HUWE1: variants seen among roughly 807,000 people sequenced by gnomAD.
The protein encoded by HUWE1 is HECT, UBA and WWE domain containing E3 ubiquitin protein ligase 1.
In HUWE1, 18 loss-of-function variants were observed where a neutral mutation model predicts 299.4. The observed-to-expected ratio is 0.06, with a 90% confidence interval of 0.04 to 0.09. HUWE1 has a LOEUF of 0.09. Among genes scored for constraint, HUWE1 ranks in the 10% least tolerant of loss-of-function variants. The probability of loss-of-function intolerance (pLI) is 1.00; values close to 1 mark genes in which losing one functional copy is unlikely to be tolerated. For synonymous variants in HUWE1, 1,317 were observed against 1,286.1 expected (o/e 1.02, Z -0.51); for missense variants, 1,832 against 3,462.3 (o/e 0.53, Z 11.82).
intron 55 of HUWE1, 36 bp downstream of exon 55, chrX:53,561,720 A>C (rs370092900): frequency 1.2e-5 from 15 of 1,207,957 alleles, no homozygotes; most frequent in Non-Finnish European, 1.7e-5. Flanking sequence ...TATAAGAATC[A>C]AGAGAGAAAA....
rs1557015356 is a variant in HUWE1 at position 53,624,596 on chromosome X, T to A, written c.1671A>T (p.Leu557=). 1.7e-6 allele frequency: 2 copies of A among 1,187,059 alleles called. No individual in the cohort carries two copies. The highest frequency in any genetic ancestry group is 4.3e-5 in the Admixed American group (2 of 46,070). Residue 557 remains leucine (L), a splice_region_variant and synonymous_variant, in exon 19 of 84, where the codon CTA becomes CTT. Transcript: ENST00000262854. Reference sequence around the variant, plus strand: ...TAACCAACTATCAACTCCACTTACCTAGGAGGAAGAGTGATGGGCCATAGT... The same window carrying A: ...TAACCAACTATCAACTCCACTTACCAAGGAGGAAGAGTGATGGGCCATAGT... ...AEYYGPSLFL[L]ATEVVTVFVF...
intron 26 of HUWE1, 54 bp downstream of exon 26, chrX:53,604,535 C>T (rs1422420395): frequency 1.7e-6 from 2 of 1,174,882 alleles, no homozygotes; most frequent in Non-Finnish European, 2.3e-6. Context: ...GGTGTATGCC[C>T]TAGATATTTC....
At chrX:53,645,731 AAAAAAATATATATAT>A (rs2067947287) in intron 6 of HUWE1, among the ~76,000 whole-genome samples, 1 of 16,396 alleles carries the variant, frequency 6.1e-5, no homozygotes, top group Non-Finnish European at 1.2e-4. Context: ...AAAAAAAAAA[AAAAAAATATATATAT>A]ATATATATAT....
chrX:53,537,746 ATTTG>A (rs2061128388), intron 77 of HUWE1, 50 bp from the exon 78 acceptor site: 3 of 1,156,881 alleles, frequency 2.6e-6, no homozygotes, highest in South Asian at 1.9e-5. Flanking sequence ...GGCAGAACAA[ATTTG>A]TTTGTGTGAT....
chrX:53,571,090 C>G (rs1350723428), intron 47 of HUWE1, among the ~76,000 whole-genome samples: 2 of 112,017 alleles, frequency 1.8e-5, no homozygotes, highest in African/African-American at 6.5e-5. Flanking sequence ...AGTTACTTAC[C>G]TCTTTGAGCC....
At chrX:53,602,536 G>A (rs1390082987) in intron 28 of HUWE1, 28 bp downstream of exon 28, 23 of 865,307 alleles carry the variant, frequency 2.7e-5, no homozygotes, top group African/African-American at 4.0e-5. Flanking sequence ...TAGAAGTAAT[G>A]ACTAACATTT....
At chrX:53,550,635 G>A (rs372876519) in intron 66 of HUWE1, 31 bp downstream of exon 66, 64 of 1,144,890 alleles carry the variant, frequency 5.6e-5, no homozygotes, top group Non-Finnish European at 5.9e-5. Flanking sequence ...CTTGAGTGGT[G>A]ATATGGTAAG....
intron 9 of HUWE1, chrX:53,632,078 T>A (rs1557023213): frequency 2.9e-6 from 1 of 343,642 alleles, no homozygotes; most frequent in African/African-American, 2.6e-5. Flanking sequence ...AACTCTTTAG[T>A]ACCTCCTCAA....
At chrX:53,605,860 C>A (rs1302640326) in intron 25 of HUWE1, among the ~76,000 whole-genome samples, 2 of 111,734 alleles carry the variant, frequency 1.8e-5, no homozygotes, top group Non-Finnish European at 3.8e-5. Context: ...AGAATTAAAT[C>A]TTCACATATA....
intron 3 of HUWE1, among the ~76,000 whole-genome samples, chrX:53,663,191 G>T (rs2149448038): frequency 8.9e-6 from 1 of 112,183 alleles, no homozygotes; most frequent in African/African-American, 3.2e-5. Flanking sequence ...AAGTGAGAAA[G>T]CATAAATGGT....
At chrX:53,539,933 T>A in intron 74 of HUWE1, 121 bp from the exon 75 acceptor site, 1 of 632,766 alleles carries the variant, frequency 1.6e-6, no homozygotes, top group Non-Finnish European at 2.4e-6. Flanking sequence ...GGCCACTGAG[T>A]GGTACTCACC....
intron 3 of HUWE1, among the ~76,000 whole-genome samples, chrX:53,677,389 A>T (rs782716920): frequency 1.2e-4 from 13 of 110,549 alleles, no homozygotes; most frequent in African/African-American, 4.3e-4. Context: ...AGGCAGTATT[A>T]TCATCATTTT....
chrX:53,651,145 C>T (rs1313959561), intron 4 of HUWE1, among the ~76,000 whole-genome samples: 1 of 109,537 alleles, frequency 9.1e-6, no homozygotes, highest in Non-Finnish European at 1.9e-5. Flanking sequence ...CCCCCTCCCC[C>T]ACCCCACCTG....
At chrX:53,537,823 C>G in intron 77 of HUWE1, 127 bp from the exon 78 acceptor site, 2 of 721,351 alleles carry the variant, frequency 2.8e-6, no homozygotes, top group Non-Finnish European at 4.0e-6. Context: ...CTGCTCCACA[C>G]CTGTTTGGGA....
At chrX:53,624,893 A>G (rs1202454568) in intron 18 of HUWE1, among the ~76,000 whole-genome samples, 1 of 112,121 alleles carries the variant, frequency 8.9e-6, no homozygotes, top group Admixed American at 9.4e-5. Flanking sequence ...ACAAACACTT[A>G]AGAGTCAGAA....
chrX:53,683,878 G>C, intron 2 of HUWE1: 1 of 255,988 alleles, frequency 3.9e-6, no homozygotes, highest in Non-Finnish European at 6.7e-6. Flanking sequence ...AGCTACCTCA[G>C]CCACCGCCAA....
chrX:53,570,273 T>TA (rs1472265060), intron 47 of HUWE1, among the ~76,000 whole-genome samples: 4 of 112,484 alleles, frequency 3.6e-5, no homozygotes, highest in Admixed American at 2.8e-4. Flanking sequence ...AGGCATGTGC[T>TA]ATTGCACCTA....
In HUWE1 at chrX:53,627,761, G is replaced by A; in HGVS notation, c.1361C>T (p.Ser454Phe). The A allele has an allele frequency of 8.3e-7, 1 of 1,202,423 alleles. No homozygotes were observed. The highest frequency in any genetic ancestry group is 1.8e-5 in the South Asian group (1 of 56,711). ...MAAFQSHSGL[S>F]IFIYRLEHEV... is the part of the protein sequence containing the mutation. Reference sequence around the variant, plus strand: ...TACCTCAAGTCTATAAATGAAGATAGAAAGTCCACTATGGGATTGAAAAGC... The same window carrying A: ...TACCTCAAGTCTATAAATGAAGATAAAAAGTCCACTATGGGATTGAAAAGC... Residue 454 changes from serine to phenylalanine, a missense_variant, in exon 16 of 84, where the codon TCT becomes TTT. Ser to Phe is a radical substitution (Grantham distance 155). Transcript: ENST00000262854.
intron 46 of HUWE1, 32 bp from the exon 47 acceptor site, chrX:53,573,996 C>T (rs2062964209): frequency 6.5e-5 from 73 of 1,124,324 alleles, no homozygotes; most frequent in Non-Finnish European, 8.9e-5. Flanking sequence ...TGGTTCAATT[C>T]CACACTGGAA....
Sources: allele counts gnomAD v4.1 joint callset (sites outside exome capture counted in the v4.1 genomes callset), GRCh38; gene constraint gnomAD v4.1.1; transcripts MANE v1.5; gene names NCBI Gene and HGNC (gene_info 2026-07-23, HGNC 2026-07-21).